SVIL: variants seen among roughly 807,000 people sequenced by gnomAD.
SVIL encodes the protein archvillin.
Under a neutral mutation model 240.4 loss-of-function variants are expected in SVIL, and 101 were observed. The ratio of observed to expected loss-of-function variants is 0.42; its 90% CI spans 0.36 to 0.50. The LOEUF is 0.50. SVIL is among the 20% of genes least tolerant of loss of function. SVIL has a pLI of 0.01. For synonymous variants in SVIL, 999 were observed against 1,100.0 expected, an observed-to-expected ratio of 0.91 and a Z score of 1.82; for missense variants, 2,512 against 2,818.7, an observed-to-expected ratio of 0.89 and a Z score of 2.46.
intron 3 of SVIL, among the ~76,000 whole-genome samples, chr10:29,642,457 AAG>A (rs1359471905): frequency 1.0e-5 from 1 of 99,412 alleles, no homozygotes; most frequent in Non-Finnish European, 2.0e-5. Flanking sequence ...GAAAGAAAGA[AAG>A]AAAGAAAGAC....
At chr10:29,598,706 G>A (rs986190104) in intron 1 of SVIL, among the ~76,000 whole-genome samples, 3 of 152,224 alleles carry the variant, frequency 2.0e-5, no homozygotes, top group Non-Finnish European at 4.4e-5. Flanking sequence ...TCTCTGGGGT[G>A]AGTGGGGAAA....
At chr10:29,642,062 G>T (rs1364752767) in intron 3 of SVIL, among the ~76,000 whole-genome samples, 1 of 152,054 alleles carries the variant, frequency 6.6e-6, no homozygotes, top group African/African-American at 2.4e-5. Flanking sequence ...TGTCTAGTTT[G>T]TTCTCTCTGC....
At chr10:29,592,076 C>A (rs1165370286) in intron 1 of SVIL, among the ~76,000 whole-genome samples, 1 of 152,068 alleles carries the variant, frequency 6.6e-6, no homozygotes, top group East Asian at 1.9e-4. Flanking sequence ...CATAGGAAAA[C>A]CACATCTCTA....
intron 33 of SVIL, 150 bp downstream of exon 33, chr10:29,467,592 C>G (rs1945069859): frequency 1.0e-6 from 1 of 984,624 alleles, no homozygotes; most frequent in Non-Finnish European, 1.5e-6. Flanking sequence ...CTTTGAGAGG[C>G]TGAGGCAGGC....
chr10:29,720,824 C>G (rs767547679), intron 1 of SVIL, among the ~76,000 whole-genome samples: 66 of 152,172 alleles, frequency 4.3e-4, no homozygotes, highest in Middle Eastern at 3.2e-3. Context: ...ACTATGATAA[C>G]TTAAAGATGT....
At position 29,704,807 on chromosome 10, in the gene SVIL, C is replaced by G. The variant is rs191980153; in HGVS notation, c.-399-18156G>C. Among the ~76,000 whole-genome samples the G allele has an allele frequency of 1.4e-3, 213 of 148,184 alleles. 1 individual carries two copies. The highest frequency in any genetic ancestry group is 5.4e-3 in the African/African-American group (204 of 37,694). ...CGGACAACTCAGAGTGACTCAAGCC[C>G]TACCTAATCTCCCAAACCAAAAGAC... is the stretch of plus-strand genomic sequence containing the variant. On this transcript the variant is annotated intron_variant, in intron 1 of 35. Coordinates refer to the SVIL transcript ENST00000375400.
intron 16 of SVIL, among the ~76,000 whole-genome samples, chr10:29,516,951 T>A (rs527550800): frequency 6.6e-6 from 1 of 152,304 alleles, no homozygotes; most frequent in African/African-American, 2.4e-5. Context: ...TTCTCTCTCT[T>A]TTTCAGAATT....
intron 3 of SVIL, among the ~76,000 whole-genome samples, chr10:29,655,484 C>T (rs984926538): frequency 3.3e-5 from 5 of 152,320 alleles, no homozygotes; most frequent in Non-Finnish European, 4.4e-5. Context: ...TACTGCTTCG[C>T]TCTTGCCATG....
chr10:29,620,005 A>T (rs960629178), intron 1 of SVIL, among the ~76,000 whole-genome samples: 4 of 152,214 alleles, frequency 2.6e-5, no homozygotes, highest in African/African-American at 9.6e-5. Flanking sequence ...GCTTCTTTCC[A>T]CAAGGTATCA....
At chr10:29,460,092 TAAA>T (rs1427495712) in intron 36 of SVIL, among the ~76,000 whole-genome samples, 3 of 152,002 alleles carry the variant, frequency 2.0e-5, no homozygotes, top group Non-Finnish European at 4.4e-5. Flanking sequence ...ATCCTTTCTC[TAAA>T]AAAAGAAGAG....
At chr10:29,594,849 G>A (rs1046776371) in intron 1 of SVIL, among the ~76,000 whole-genome samples, 3 of 152,186 alleles carry the variant, frequency 2.0e-5, no homozygotes, top group Non-Finnish European at 4.4e-5. Flanking sequence ...AAGCCACTGC[G>A]CCCAGCCTCT....
At chr10:29,612,762 G>C (rs147616942) in intron 1 of SVIL, among the ~76,000 whole-genome samples, 156 of 152,280 alleles carry the variant, frequency 1.0e-3, no homozygotes, top group African/African-American at 3.5e-3. Flanking sequence ...CTTAGTAAAT[G>C]TGCTTTTCCT....
At chr10:29,476,676 G>A (rs1290759205) in intron 29 of SVIL, among the ~76,000 whole-genome samples, 1 of 152,180 alleles carries the variant, frequency 6.6e-6, no homozygotes, top group African/African-American at 2.4e-5. Context: ...AAACTCTGGG[G>A]TTACAAGTGT....
chr10:29,459,588 G>A (rs1190141670), intron 36 of SVIL, among the ~76,000 whole-genome samples: 3 of 152,152 alleles, frequency 2.0e-5, no homozygotes, highest in East Asian at 1.9e-4. Flanking sequence ...GTCAGAAAAT[G>A]CACCTAGAAT....
At chr10:29,568,787 G>GTGGATGGGTGGA (rs1554859020) in intron 2 of SVIL, among the ~76,000 whole-genome samples, 8 of 139,782 alleles carry the variant, frequency 5.7e-5, no homozygotes, top group South Asian at 2.4e-4. Flanking sequence ...GGGTGGATGG[G>GTGGATGGGTGGA]TGGATGGATG....
chr10:29,610,368 T>G (rs1957198054), intron 1 of SVIL, among the ~76,000 whole-genome samples: 1 of 151,990 alleles, frequency 6.6e-6, no homozygotes, highest in African/African-American at 2.4e-5. Flanking sequence ...CTCCCAAGGT[T>G]TGCCATTGTC....
chr10:29,557,753 C>G (rs1270494333), intron 3 of SVIL, among the ~76,000 whole-genome samples: 1 of 152,190 alleles, frequency 6.6e-6, no homozygotes, highest in African/African-American at 2.4e-5. Flanking sequence ...TACTGCCCTT[C>G]CAGTGAACAC....
intron 6 of SVIL, among the ~76,000 whole-genome samples, chr10:29,547,084 T>A (rs995760326): frequency 6.6e-6 from 1 of 152,184 alleles, no homozygotes; most frequent in Non-Finnish European, 1.5e-5. Context: ...TGTTTTGGGT[T>A]ACCACATATT....
At chr10:29,585,824 T>C (rs1956145392) in intron 1 of SVIL, among the ~76,000 whole-genome samples, 1 of 152,238 alleles carries the variant, frequency 6.6e-6, no homozygotes, top group South Asian at 2.1e-4. Flanking sequence ...TTCGCGTCTG[T>C]CTTCCCGGCA....
Sources: allele counts gnomAD v4.1 joint callset (sites outside exome capture counted in the v4.1 genomes callset), GRCh38; gene constraint gnomAD v4.1.1; transcripts MANE v1.5; gene names NCBI Gene and HGNC (gene_info 2026-07-23, HGNC 2026-07-21).